GABBR1: variants seen among roughly 807,000 people sequenced by gnomAD.
GABBR1 encodes GABA-B receptor, R1 subunit.
A neutral mutation model predicts 117.7 loss-of-function variants in GABBR1; 35 were observed. That is an observed-to-expected ratio of 0.30 (90% CI 0.23 to 0.39). GABBR1 has a LOEUF of 0.39. Ranked by LOEUF, GABBR1 falls within the 10% of genes least tolerant of loss-of-function variation. The probability of loss-of-function intolerance (pLI) is 1.00; values close to 1 mark genes in which losing one functional copy is unlikely to be tolerated. For synonymous variants in GABBR1, 442 were observed against 486.6 expected, an observed-to-expected ratio of 0.91 and a Z score of 1.21; for missense variants, 709 against 1,241.8, an observed-to-expected ratio of 0.57 and a Z score of 6.45.
chr6:29,618,515 G>A (rs1763406729), intron 11 of GABBR1, among the ~76,000 whole-genome samples: 2 of 152,288 alleles, frequency 1.3e-5, no homozygotes, highest in South Asian at 4.1e-4. Context: ...TTTTTTAACA[G>A]CCTTGTCTGG....
Position 29,632,705 on chromosome 6 carries a change from T to C in GABBR1, c.-1+145A>G. On this transcript the variant is annotated intron_variant, in intron 1 of 22. Coordinates refer to ENST00000377034, the MANE Select transcript of GABBR1 (RefSeq NM_001470.4). The surrounding 1 kb of genome is among the most constrained non-coding windows in gnomAD (Gnocchi z 5.8). ...ACCCACGCTCCCGGCATCGGCCGCC[T>C]CAGCGCTCCCCGATTCCATCCCCGC... 7.5e-7 allele frequency: 1 copy of C among 1,340,118 alleles called. No individual in the cohort carries two copies. The highest frequency in any genetic ancestry group is 9.6e-7 in the Non-Finnish European group (1 of 1,040,826). The allele number at this position is 1,340,118 out of a possible 1,614,324, so 83.0% of individuals were successfully genotyped here. A position where few individuals can be genotyped will look rare whatever the true frequency, so the allele number is the denominator to read the frequency against.
chr6:29,618,514 A>G (rs1328851664), intron 11 of GABBR1, among the ~76,000 whole-genome samples: 1 of 152,236 alleles, frequency 6.6e-6, no homozygotes, highest in Non-Finnish European at 1.5e-5. Context: ...TTTTTTTAAC[A>G]GCCTTGTCTG....
rs29230 is a variant in GABBR1 at position 29,608,616 on chromosome 6, A to G, written c.1977T>C (p.Phe659=). 283,018 of 1,612,484 alleles carry G rather than the reference A, an allele frequency of 0.18. 27,023 individuals carry two copies. The highest frequency in any genetic ancestry group is 0.34 in the Middle Eastern group (2,058 of 6,060). Residue 659 remains phenylalanine, a synonymous_variant, in exon 16 of 23, where the codon TTT becomes TTC. Transcript: ENST00000377034. ...ACCTCCTCACCTGGCAGACGAAAGG[A>G]AACTGGTTCCTCCCAATGTGGTAAC... ...LDGYHIGRNQ[F]PFVCQARLWL...
At chr6:29,625,095 G>T (rs1458050531) in intron 6 of GABBR1, among the ~76,000 whole-genome samples, 1 of 151,964 alleles carries the variant, frequency 6.6e-6, no homozygotes, top group Non-Finnish European at 1.5e-5. Flanking sequence ...AGTTGGAGAA[G>T]GGGGAGCCAG....
At position 29,632,302 on chromosome 6, in the gene GABBR1, T is replaced by C; in HGVS notation, c.84A>G (p.Glu28=). Reference sequence around the variant, plus strand: ...GGAGGTCGTCGAAGAAGGATGCACCTTCTGAGGTGGCGTTGGGGGTCTGCG... The same window carrying C: ...GGAGGTCGTCGAAGAAGGATGCACCCTCTGAGGTGGCGTTGGGGGTCTGCG... ...GGAQTPNATS[E]GCQIIHPPWE... is the part of the protein sequence containing the mutation. The change falls in exon 2 of 23, where the codon GAA becomes GAG. Residue 28 remains glutamate (E), a splice_region_variant and synonymous_variant. Transcript: ENST00000377034. The surrounding 1 kb of genome is among the most constrained non-coding windows in gnomAD (Gnocchi z 5.8). The C allele has an allele frequency of 7.2e-7, 1 of 1,379,546 alleles. No individual in the cohort carries two copies. Among genetic ancestry groups the C allele is most frequent in the Non-Finnish European group, 9.4e-7 (1 of 1,063,374 alleles). The allele number at this position is 1,379,546 out of a possible 1,614,324, so 85.5% of individuals were successfully genotyped here.
In GABBR1 at chr6:29,621,436, G is replaced by C. The variant is rs1174271126; in HGVS notation, c.1132-144C>G. On this transcript the variant is annotated intron_variant, in intron 10 of 22. Transcript: ENST00000377034. This position sits in a 1 kb window ranked among gnomAD's most constrained non-coding sequence, Gnocchi z 5.0. Reference sequence around the variant, plus strand: ...AAATCTACAAGTCTTGGGGATAGTAGGAAAGGCTGACAATTCTTCCTTCTA... The same window carrying C: ...AAATCTACAAGTCTTGGGGATAGTACGAAAGGCTGACAATTCTTCCTTCTA... The C allele has an allele frequency of 1.4e-6, 1 of 720,888 alleles. No individual in the cohort carries two copies. The highest frequency in any genetic ancestry group is 2.7e-5 in the East Asian group (1 of 36,858). 44.7% of individuals were successfully genotyped at this position (720,888 alleles called of 1,614,324 possible).
chr6:29,612,706 T>C, intron 12 of GABBR1, 92 bp from the exon 13 acceptor site: 1 of 1,118,150 alleles, frequency 8.9e-7, no homozygotes, highest in Non-Finnish European at 1.4e-6. Flanking sequence ...CTGTTTTTGA[T>C]GTAATTGAGC....
chr6:29,608,813 GCA>G (rs113020133), intron 15 of GABBR1, 80 bp from the exon 16 acceptor site: 2 of 1,470,068 alleles, frequency 1.4e-6, no homozygotes, highest in Non-Finnish European at 9.3e-7. Flanking sequence ...CAAATACCAC[GCA>G]ATGGCATGAC....
rs1761912891 is a variant in GABBR1 at position 29,605,984 on chromosome 6, G to A, written c.2312-288C>T. ...GAATATCTAGAAATAGGCCAGTCTG[G>A]GCCACACATGCCTCACCCTTACCCT... On this transcript the variant is annotated intron_variant, in intron 19 of 22. Transcript: ENST00000377034. This position sits in a 1 kb window ranked among gnomAD's most constrained non-coding sequence, Gnocchi z 4.2. The A allele has an allele frequency of 1.1e-5, 6 of 550,804 alleles. No individual in the cohort carries two copies. The Admixed American group carries it at 1.9e-4, about 18-fold the overall frequency. The allele number at this position is 550,804 out of a possible 1,614,324, so 34.1% of individuals were successfully genotyped here.
rs751611036 is a variant in GABBR1, at chr6:29,609,264, G to A, written c.1824C>T (p.Val608=). 2 of 1,612,946 alleles carry A rather than the reference G, an allele frequency of 1.2e-6. No homozygotes were observed. The highest frequency in any genetic ancestry group is 2.7e-5 in the African/African-American group (2 of 74,930). Residue 608 remains valine, a synonymous_variant, in exon 15 of 23, where the codon GTC becomes GTT. Transcript: ENST00000377034. This position sits in a 1 kb window ranked among gnomAD's most constrained non-coding sequence, Gnocchi z 4.3. ...LSSLGIVLAV[V]CLSFNIYNSH... Reference sequence around the variant, plus strand: ...AGTTGTAGATGTTAAAGGACAGACAGACAACAGCTAGGACAATGCCCAGGC... The same window carrying A: ...AGTTGTAGATGTTAAAGGACAGACAAACAACAGCTAGGACAATGCCCAGGC...
rs1279990863 is a variant in GABBR1, at chr6:29,627,053, C to T, written c.657+433G>A. 6.6e-6 allele frequency among the ~76,000 whole-genome samples: 1 copy of T among 152,094 alleles called. No homozygotes were observed. The highest frequency in any genetic ancestry group is 1.5e-5 in the Non-Finnish European group (1 of 68,022). On this transcript the variant is annotated intron_variant, in intron 6 of 22. Transcript: ENST00000377034. This position sits in a 1 kb window ranked among gnomAD's most constrained non-coding sequence, Gnocchi z 4.4. ...CCCTATTCCTTCCAGCTCCAACCTACGCCAAGATTTTACCTTGTTACCATG... is the reference window on the plus strand; with the variant it reads ...CCCTATTCCTTCCAGCTCCAACCTATGCCAAGATTTTACCTTGTTACCATG...
intron 11 of GABBR1, among the ~76,000 whole-genome samples, chr6:29,619,860 T>G (rs1763573007): frequency 6.6e-6 from 1 of 152,216 alleles, no homozygotes; most frequent in African/African-American, 2.4e-5. Context: ...ATTTTTCAAC[T>G]AACATACCTT....
At position 29,623,589 on chromosome 6, in the gene GABBR1, C is replaced by A; in HGVS notation, c.793-114G>T. The A allele has an allele frequency of 9.7e-7, 1 of 1,026,992 alleles. No homozygotes were observed. Among genetic ancestry groups the A allele is most frequent in the Non-Finnish European group, 1.4e-6 (1 of 705,936 alleles). 63.6% of individuals were successfully genotyped at this position (1,026,992 alleles called of 1,614,324 possible). ...TTGGGTTTCTCTTCCTTACTCTCTCCAAACCTCCCCACCTCTGGTCTGCCT... is the reference window on the plus strand; with the variant it reads ...TTGGGTTTCTCTTCCTTACTCTCTCAAAACCTCCCCACCTCTGGTCTGCCT... On this transcript the variant is annotated intron_variant, in intron 7 of 22. Transcript: ENST00000377034. The surrounding 1 kb of genome is among the most constrained non-coding windows in gnomAD (Gnocchi z 6.2).
Position 29,630,557 on chromosome 6 carries a change from G to T in GABBR1, c.376C>A (p.Arg126=). 6.2e-7 allele frequency: 1 copy of T among 1,613,046 alleles called. No homozygotes were observed. Among genetic ancestry groups the T allele is most frequent in the Non-Finnish European group, 8.5e-7 (1 of 1,180,020 alleles). ...TCGGGGTCACACCGGAAATCCACCC[G>T]GGCTCCGTCCAGAGCTGGGAGGTCC... ...GGDLPALDGA[R]VDFRCDPDFH... Residue 126 remains arginine (R), a synonymous_variant, in exon 4 of 23, where the codon CGG becomes AGG. Coordinates refer to ENST00000377034, the MANE Select transcript of GABBR1 (RefSeq NM_001470.4). The surrounding 1 kb of genome is among the most constrained non-coding windows in gnomAD (Gnocchi z 4.9).
chr6:29,603,765 A>T, intron 22 of GABBR1, 49 bp from the exon 23 acceptor site: 6 of 1,333,424 alleles, frequency 4.5e-6, no homozygotes, highest in Non-Finnish European at 5.9e-6. Flanking sequence ...GAGGTGATGA[A>T]GGAGTGGGGA....
In GABBR1 at chr6:29,622,392, G is replaced by T; in HGVS notation, c.964-187C>A. 1.7e-6 allele frequency: 1 copy of T among 592,108 alleles called. No individual in the cohort carries two copies. Among genetic ancestry groups the T allele is most frequent in the Non-Finnish European group, 3.0e-6 (1 of 331,850 alleles). 36.7% of individuals were successfully genotyped at this position (592,108 alleles called of 1,614,324 possible). A position where few individuals can be genotyped will look rare whatever the true frequency, so the allele number is the denominator to read the frequency against. On this transcript the variant is annotated intron_variant, in intron 8 of 22. Coordinates refer to ENST00000377034, the MANE Select transcript of GABBR1 (RefSeq NM_001470.4). This position sits in a 1 kb window ranked among gnomAD's most constrained non-coding sequence, Gnocchi z 4.6. The stretch of plus-strand genomic sequence containing the variant: ...GGGAAGGCATCTGGTCTTAGGATGT[G>T]GATTCCAAGTGGGAAGGTGAATGGT...
Position 29,606,827 on chromosome 6 carries a change from G to A in GABBR1, c.2217+70C>T. 7.7e-7 allele frequency: 1 copy of A among 1,291,746 alleles called. No individual in the cohort carries two copies. Among genetic ancestry groups the A allele is most frequent in the Non-Finnish European group, 1.1e-6 (1 of 894,794 alleles). 80.0% of individuals were successfully genotyped at this position (1,291,746 alleles called of 1,614,324 possible). On this transcript the variant is annotated intron_variant, in intron 18 of 22. Coordinates refer to ENST00000377034, the MANE Select transcript of GABBR1 (RefSeq NM_001470.4). This position sits in a 1 kb window ranked among gnomAD's most constrained non-coding sequence, Gnocchi z 4.5. ...AGCTTCATCCCTCAAGACACACACA[G>A]CCCCAGGGCCCTGATGGCCACTGAG...
chr6:29,625,901 C>T (rs2127440748), intron 6 of GABBR1, among the ~76,000 whole-genome samples: 1 of 152,308 alleles, frequency 6.6e-6, no homozygotes, highest in Middle Eastern at 3.4e-3. Flanking sequence ...AGATCTGATC[C>T]TCTACTTCTC....
chr6:29,612,489 G>C (rs371118311), intron 13 of GABBR1, 62 bp downstream of exon 13: 7 of 1,434,646 alleles, frequency 4.9e-6, no homozygotes, highest in Non-Finnish European at 6.9e-6. Flanking sequence ...TTCCCCAGGG[G>C]GCATCCCAGC....
Sources: allele counts gnomAD v4.1 joint callset (sites outside exome capture counted in the v4.1 genomes callset), GRCh38; gene constraint gnomAD v4.1.1; non-coding constraint Gnocchi (gnomAD v3.1); transcripts MANE v1.5; gene names NCBI Gene and HGNC (gene_info 2026-07-23, HGNC 2026-07-21).